The following CRISPLD1 variants were observed in gnomAD, a reference collection of about 807,000 sequenced individuals.
CRISPLD1 encodes the protein cysteine-rich secretory protein LCCL domain-containing 1.
Under a neutral mutation model 77.5 loss-of-function variants are expected in CRISPLD1, and 60 were observed. The observed-to-expected ratio is 0.77, with a 90% CI of 0.63 to 0.96. The LOEUF is 0.96. Among genes scored for constraint, CRISPLD1 ranks in the 40% least tolerant of loss-of-function variants. The pLI is 0.00. For missense variants in CRISPLD1, 623 were observed against 615.8 expected, an observed-to-expected ratio of 1.01 and a Z score of -0.12; for synonymous variants, 195 against 200.1, an observed-to-expected ratio of 0.97 and a Z score of 0.22.
At chr8:75,025,736 A>T in intron 13 of CRISPLD1, 115 bp downstream of exon 13, 1 of 420,986 alleles carries the variant, frequency 2.4e-6, no homozygotes, top group East Asian at 4.0e-5. Context: ...GACTTTGTTA[A>T]TGTGTGTTCT....
rs985267533 is a variant in CRISPLD1 at position 75,012,521 on chromosome 8, T to C, written c.347T>C (p.Ile116Thr). ...EHGPASLLPS[I>T]GQNLGAHWGR... The stretch of plus-strand genomic sequence containing the variant: ...GGACCTGCAAGCTTGCTTCCATCAA[T>C]TGGACAGAATTTGGGAGCACACTGG... The change falls in exon 3 of 15, where the codon ATT becomes ACT. Residue 116 changes from isoleucine (I) to threonine (T), a missense_variant. Ile to Thr is a moderately conservative substitution (Grantham distance 89). Transcript: ENST00000262207. The C allele has an allele frequency of 6.2e-7, 1 of 1,612,168 alleles. No individual in the cohort carries two copies. The highest frequency in any genetic ancestry group is 8.5e-7 in the Non-Finnish European group (1 of 1,178,466).
intron 6 of CRISPLD1, among the ~76,000 whole-genome samples, chr8:75,015,131 A>G (rs926064234): frequency 1.3e-5 from 2 of 152,108 alleles, no homozygotes; most frequent in Non-Finnish European, 1.5e-5. Context: ...TCAGGTAACT[A>G]TTTCTGATTC....
intron 6 of CRISPLD1, among the ~76,000 whole-genome samples, chr8:75,016,317 G>A (rs989897354): frequency 9.2e-5 from 14 of 152,090 alleles, no homozygotes; most frequent in Non-Finnish European, 1.9e-4. Context: ...GCAAAGTTTA[G>A]AAGTGGCTTC....
intron 2 of CRISPLD1, among the ~76,000 whole-genome samples, chr8:75,008,655 C>T (rs566892030): frequency 5.7e-4 from 87 of 152,180 alleles, no homozygotes; most frequent in African/African-American, 2.0e-3. Flanking sequence ...CCCTCTGCTT[C>T]AGCACTTATA....
At chr8:75,013,283 A>T (rs1011503506) in intron 4 of CRISPLD1, among the ~76,000 whole-genome samples, 3 of 152,088 alleles carry the variant, frequency 2.0e-5, no homozygotes, top group African/African-American at 7.2e-5. Context: ...CCCCAGTAAT[A>T]TGGGGGGAAA....
chr8:74,985,898 A>T, intron 1 of CRISPLD1, 28 bp from the exon 2 acceptor site: 1 of 1,402,744 alleles, frequency 7.1e-7, no homozygotes, highest in Non-Finnish European at 9.6e-7. Flanking sequence ...TGGAATTTTC[A>T]TCTTAATCAC....
At chr8:75,031,565 CTCTGTGTGTGTGTG>C (rs981794043) in intron 14 of CRISPLD1, among the ~76,000 whole-genome samples, 2 of 87,490 alleles carry the variant, frequency 2.3e-5, no homozygotes, top group African/African-American at 1.2e-4. Context: ...AGATTGAATG[CTCTGTGTGTGTGTG>C]TGTGTGTGTG....
chr8:74,986,000 G>A lies in CRISPLD1; in HGVS notation c.13G>A (p.Ala5Thr). ...GAGGTCATTCATTATGAAGTGTACC[G>A]CGCGGGAGTGGCTCAGAGTAACCAC... is the stretch of plus-strand genomic sequence containing the variant. Reference protein sequence around the residue: MKCTAREWLRVTTVL... With the variant: MKCTTREWLRVTTVL... The change falls in exon 2 of 15, where the codon GCG (alanine) becomes ACG (threonine). Residue 5 changes from alanine (A) to threonine (T), a missense_variant. Coordinates refer to ENST00000262207, the MANE Select transcript of CRISPLD1 (RefSeq NM_031461.6). The A allele has an allele frequency of 3.1e-6, 5 of 1,613,868 alleles. No homozygotes were observed. The highest frequency in any genetic ancestry group is 1.7e-4 in the Middle Eastern group (1 of 6,046).
At chr8:74,991,592 A>C (rs1348074879) in intron 2 of CRISPLD1, among the ~76,000 whole-genome samples, 1 of 152,152 alleles carries the variant, frequency 6.6e-6, no homozygotes, top group Non-Finnish European at 1.5e-5. Flanking sequence ...GCGCAATGGT[A>C]CTGTCTCGGC....
At chr8:74,994,068 C>G (rs1050263700) in intron 2 of CRISPLD1, among the ~76,000 whole-genome samples, 1 of 152,184 alleles carries the variant, frequency 6.6e-6, no homozygotes, top group African/African-American at 2.4e-5. Context: ...ATCTTACTTA[C>G]AATTACTCAG....
chr8:74,991,112 C>T (rs72669296), intron 2 of CRISPLD1, among the ~76,000 whole-genome samples: 2 of 151,844 alleles, frequency 1.3e-5, no homozygotes, highest in Non-Finnish European at 2.9e-5. Flanking sequence ...CCTGCCTTAG[C>T]CTCCCAAGTA....
chr8:75,017,214 C>T, intron 9 of CRISPLD1, 101 bp downstream of exon 9: 1 of 1,527,438 alleles, frequency 6.5e-7, no homozygotes, highest in Non-Finnish European at 9.0e-7. Flanking sequence ...AGATATTTTG[C>T]TCAGAAATGT....
chr8:75,022,956 G>C (rs1813163812), intron 12 of CRISPLD1, among the ~76,000 whole-genome samples: 1 of 150,822 alleles, frequency 6.6e-6, no homozygotes, highest in Non-Finnish European at 1.5e-5. Flanking sequence ...ATGTTATCCA[G>C]TTTTACATAT....
chr8:74,991,422 A>G (rs1171073054), intron 2 of CRISPLD1, among the ~76,000 whole-genome samples: 1 of 152,142 alleles, frequency 6.6e-6, no homozygotes, highest in Non-Finnish European at 1.5e-5. Flanking sequence ...GCTGCTCACA[A>G]TTTAAAGCCC....
intron 9 of CRISPLD1, 80 bp downstream of exon 9, chr8:75,017,193 T>A: frequency 6.7e-7 from 1 of 1,501,194 alleles, no homozygotes; most frequent in Non-Finnish European, 9.2e-7. Context: ...AATAACACCT[T>A]ACATAAGTAT....
chr8:74,986,030 C>G lies in CRISPLD1; in HGVS notation c.43C>G (p.Leu15Val). 1 of 1,614,112 alleles carries G rather than the reference C, an allele frequency of 6.2e-7. No homozygotes were observed. ...AREWLRVTTVLFMARAIPAMV... is the reference protein window; with the variant it reads ...AREWLRVTTVVFMARAIPAMV... ...GGAGTGGCTCAGAGTAACCACAGTG[C>G]TGTTCATGGCTAGAGCAATTCCAGC... The change falls in exon 2 of 15, where the codon CTG (leucine) becomes GTG (valine). Residue 15 changes from leucine to valine, a missense_variant. Transcript: ENST00000262207.
At chr8:75,020,746 A>G (rs1351645846) in intron 12 of CRISPLD1, among the ~76,000 whole-genome samples, 1 of 152,236 alleles carries the variant, frequency 6.6e-6, no homozygotes, top group East Asian at 1.9e-4. Context: ...GGCATAACTC[A>G]TATTTTAACA....
intron 6 of CRISPLD1, among the ~76,000 whole-genome samples, chr8:75,015,957 A>C (rs1813020357): frequency 6.6e-6 from 1 of 152,074 alleles, no homozygotes. Flanking sequence ...ACCTCTCCAA[A>C]ATGTGCCATT....
intron 2 of CRISPLD1, among the ~76,000 whole-genome samples, chr8:75,009,352 C>G (rs1416203541): frequency 6.6e-6 from 1 of 151,746 alleles, no homozygotes; most frequent in Non-Finnish European, 1.5e-5. Context: ...AAAAAAGAAG[C>G]TTTGTTTCCT....
Sources: gnomAD v4.1 joint callset for allele counts (sites outside exome capture counted in the v4.1 genomes callset) on GRCh38, gnomAD v4.1.1 for gene constraint, MANE v1.5 for transcripts, NCBI Gene and HGNC (gene_info 2026-07-23, HGNC 2026-07-21) for gene names.